ZNF880: variants seen among roughly 807,000 people sequenced by gnomAD.
The protein encoded by ZNF880 is zinc finger protein LOC400713.
A neutral mutation model predicts 11.8 loss-of-function variants in ZNF880; 12 were observed. The ratio of observed to expected loss-of-function variants is 1.02; its 90% CI spans 0.65 to 1.65. The LOEUF (loss-of-function observed/expected upper bound fraction) is 1.65, where lower values mean the gene tolerates loss of function less well. Among genes scored for constraint, ZNF880 ranks in the 40% most tolerant of loss-of-function variants. ZNF880 has a pLI of 0.00. For missense variants in ZNF880, 601 were observed against 673.9 expected, an observed-to-expected ratio of 0.89 and a Z score of 1.20; for synonymous variants, 210 against 232.4, an observed-to-expected ratio of 0.90 and a Z score of 0.88.
chr19:52,386,509 G>T (rs1986891261), downstream of ZNF880, among the ~76,000 whole-genome samples: 1 of 143,482 alleles, frequency 7.0e-6, no homozygotes, highest in South Asian at 2.1e-4. Context: ...TGATTAAAAA[G>T]TAGTCATTTT....
chr19:52,369,785 A>G, upstream of ZNF880: 2 of 664,136 alleles, frequency 3.0e-6, no homozygotes, highest in Non-Finnish European at 5.3e-6. Context: ...ATCTATTTCC[A>G]GATAGCTGAG....
chr19:52,368,297 ATCT>A (rs137855698), upstream of ZNF880, among the ~76,000 whole-genome samples: 14,533 of 151,936 alleles, frequency 0.096, 1,215 homozygotes, highest in African/African-American at 0.23. Context: ...ATGTTCACCC[ATCT>A]TCTTTTTAAG....
At position 52,385,690 on chromosome 19, in the gene ZNF880, C is replaced by T. The variant is rs751445590; in HGVS notation, c.*376C>T. ...TGCAGAAAAGTCACAGCTCCAAATA[C>T]GTTGAATCTCATGACGCGATGCATG... On this transcript the variant is annotated 3_prime_UTR_variant, in exon 4 of 4. Transcript: ENST00000422689. The T allele has an allele frequency of 4.4e-5, 8 of 182,278 alleles. 1 individual carries two copies. The highest frequency in any genetic ancestry group is 1.1e-4 in the Admixed American group (2 of 18,130). 11.3% of individuals were successfully genotyped at this position (182,278 alleles called of 1,614,324 possible).
intron 3 of ZNF880, among the ~76,000 whole-genome samples, chr19:52,377,416 C>T (rs534607830): frequency 6.6e-6 from 1 of 152,248 alleles, no homozygotes; most frequent in African/African-American, 2.4e-5. Context: ...TTTCTACGCA[C>T]CAACAACCAG....
chr19:52,369,977 T>A lies in ZNF880; in HGVS notation c.12T>A (p.Arg4=), dbSNP rs1986312977. 2 of 1,551,490 alleles carry A rather than the reference T, an allele frequency of 1.3e-6. No individual in the cohort carries two copies. Among genetic ancestry groups the A allele is most frequent in the Non-Finnish European group, 1.7e-6 (2 of 1,146,988 alleles). Residue 4 remains arginine (R), a splice_region_variant and synonymous_variant, in exon 1 of 4, where the codon CGT becomes CGA. Coordinates refer to ENST00000422689, the MANE Select transcript of ZNF880 (RefSeq NM_001145434.2). ...GTGGAGTGACGGTCATGCTGCGGCG[T>A]GTGAGTTTCCCTTTGTTTAGATTAA... MLR[R]GHLAFRDVAI...
upstream of ZNF880, among the ~76,000 whole-genome samples, chr19:52,368,208 A>G (rs1313401676): frequency 1.7e-5 from 1 of 57,570 alleles, no homozygotes; most frequent in Non-Finnish European, 3.2e-5. Flanking sequence ...CCGTCTCAAA[A>G]AAAAAAAAAT....
intron 2 of ZNF880, among the ~76,000 whole-genome samples, chr19:52,373,669 ATTTTTTT>A (rs35788651): frequency 6.8e-5 from 7 of 102,564 alleles, no homozygotes; most frequent in East Asian, 2.6e-4. Flanking sequence ...AAATACTGTA[ATTTTTTT>A]TTTTTTTTTT....
upstream of ZNF880, chr19:52,369,856 A>G (rs950538792): frequency 5.7e-6 from 8 of 1,401,408 alleles, no homozygotes; most frequent in Middle Eastern, 1.7e-4. Context: ...AGCGAGGCGG[A>G]GGGAAGCGCA....
At chr19:52,394,403 A>G in the ZNF880 span, among the ~76,000 whole-genome samples, 5 of 149,184 alleles carry the variant, frequency 3.4e-5, no homozygotes, top group African/African-American at 7.4e-5. Flanking sequence ...GGCCTGTTAA[A>G]TTTTTGTGTT....
At chr19:52,394,316 A>G in the ZNF880 span, among the ~76,000 whole-genome samples, 1 of 151,978 alleles carries the variant, frequency 6.6e-6, no homozygotes, top group African/African-American at 2.4e-5. Flanking sequence ...AGCTACTGCA[A>G]CCTGTGTCCT....
At chr19:52,386,331 AATG>A (rs1306692482), downstream of ZNF880, among the ~76,000 whole-genome samples, 4 of 143,344 alleles carry the variant, frequency 2.8e-5, no homozygotes, top group Non-Finnish European at 4.6e-5. Context: ...AATCATATAA[AATG>A]ATGATGGCAG....
In ZNF880 at chr19:52,374,423, C is replaced by A; in HGVS notation, c.264C>A (p.Asn88Lys). 6.2e-7 allele frequency: 1 copy of A among 1,610,692 alleles called. No homozygotes were observed. The highest frequency in any genetic ancestry group is 8.5e-7 in the Non-Finnish European group (1 of 1,178,540). Residue 88 changes from asparagine to lysine, a missense_variant, in exon 3 of 4, where the codon AAC (asparagine) becomes AAA (lysine). Asn to Lys is a moderately conservative substitution (Grantham distance 94, BLOSUM62 0). This residue lies in a region of ZNF880 where 420 missense variants were observed against 442.6 expected (regional missense o/e 0.95). Transcript: ENST00000422689. ...PGGRECIKGV[N>K]AESSSKLGSN... is the part of the protein sequence containing the mutation. Reference sequence around the variant, plus strand: ...GCAGGGAGTGCATCAAAGGTGTGAACGCAGGTAAGAGCTTGGATGGCCAGA... The same window carrying A: ...GCAGGGAGTGCATCAAAGGTGTGAAAGCAGGTAAGAGCTTGGATGGCCAGA...
At chr19:52,377,672 T>C (rs888019991) in intron 3 of ZNF880, among the ~76,000 whole-genome samples, 3 of 152,066 alleles carry the variant, frequency 2.0e-5, no homozygotes, top group Non-Finnish European at 4.4e-5. Context: ...TAAAACACTT[T>C]CTTAGGTTCA....
downstream of ZNF880, among the ~76,000 whole-genome samples, chr19:52,387,274 A>G (rs904868669): frequency 1.4e-5 from 2 of 143,846 alleles, 1 homozygote; most frequent in African/African-American, 5.4e-5. Flanking sequence ...TATAATTTAC[A>G]CTAATCATAC....
the ZNF880 span, among the ~76,000 whole-genome samples, chr19:52,392,328 C>G: frequency 6.6e-6 from 1 of 151,922 alleles, no homozygotes; most frequent in Non-Finnish European, 1.5e-5. Context: ...TTTGACGGAG[C>G]CTCGCTCTGT....
chr19:52,377,292 C>T (rs116540822), intron 3 of ZNF880, among the ~76,000 whole-genome samples: 2,104 of 151,970 alleles, frequency 0.014, 38 homozygotes, highest in African/African-American at 0.048. Flanking sequence ...GGCGTCTCAA[C>T]CCCTCTTTGC....
intron 1 of ZNF880, 43 bp from the exon 2 acceptor site, chr19:52,373,068 T>G (rs1441235383): frequency 4.4e-6 from 7 of 1,603,156 alleles, no homozygotes; most frequent in Non-Finnish European, 6.0e-6. Flanking sequence ...TGTCTCCTCA[T>G]TTTGTGTGAT....
chr19:52,393,674 C>A, the ZNF880 span, among the ~76,000 whole-genome samples: 2 of 152,084 alleles, frequency 1.3e-5, no homozygotes, highest in Admixed American at 1.3e-4. Flanking sequence ...CCCTATGTGT[C>A]AGATTTGTAT....
the ZNF880 span, chr19:52,395,607 A>G: frequency 1.3e-5 from 2 of 152,198 alleles, no homozygotes; most frequent in Non-Finnish European, 2.9e-5. Flanking sequence ...CCTGGGATTC[A>G]TGCATTCTGC....
Sources: allele counts gnomAD v4.1 joint callset (sites outside exome capture counted in the v4.1 genomes callset), GRCh38; gene constraint gnomAD v4.1.1; regional missense constraint gnomAD v4.1.1; transcripts MANE v1.5; gene names NCBI Gene and HGNC (gene_info 2026-07-23, HGNC 2026-07-21).